NT5C3A: variants seen among roughly 807,000 people sequenced by gnomAD.
The protein encoded by NT5C3A is cytosolic 5'-nucleotidase 3A.
A neutral mutation model predicts 40.0 loss-of-function variants in NT5C3A; 23 were observed. That is an observed-to-expected ratio of 0.58 (90% CI 0.41 to 0.81). The LOEUF is 0.81. Among genes scored for constraint, NT5C3A ranks in the 40% least tolerant of loss-of-function variants. The pLI, the probability that NT5C3A is intolerant of heterozygous loss-of-function variation, is 0.00. For missense variants in NT5C3A, 328 were observed against 403.0 expected, an observed-to-expected ratio of 0.81 and a Z score of 1.59; for synonymous variants, 130 against 141.4, an observed-to-expected ratio of 0.92 and a Z score of 0.57.
chr7:33,035,912 CT>C, intron 1 of NT5C3A: 1 of 1,595,324 alleles, frequency 6.3e-7, no homozygotes, highest in Non-Finnish European at 8.6e-7. Flanking sequence ...ATAAATGGAA[CT>C]GGAAATAGGC....
chr7:33,030,992 T>G (rs781144522), intron 1 of NT5C3A, among the ~76,000 whole-genome samples: 2 of 150,714 alleles, frequency 1.3e-5, no homozygotes, highest in Non-Finnish European at 2.9e-5. Context: ...CCAGCTACTC[T>G]GGAGGCTGAG....
chr7:33,032,296 A>G (rs1166629998), intron 1 of NT5C3A, among the ~76,000 whole-genome samples: 4 of 150,004 alleles, frequency 2.7e-5, no homozygotes, highest in Non-Finnish European at 4.4e-5. Flanking sequence ...GGTGGCATAC[A>G]CCTGTAACCC....
chr7:33,045,457 G>GT, intron 1 of NT5C3A, among the ~76,000 whole-genome samples: 1 of 151,640 alleles, frequency 6.6e-6, no homozygotes, highest in African/African-American at 2.4e-5. Flanking sequence ...AATGGCAAAT[G>GT]AAAAATTTTT....
chr7:33,053,707 T>C (rs139431406), intron 1 of NT5C3A, among the ~76,000 whole-genome samples: 207 of 151,634 alleles, frequency 1.4e-3, no homozygotes, highest in South Asian at 1.9e-3. Flanking sequence ...AAAGAAGTAA[T>C]GGCTTTTAGT....
At chr7:33,019,034 G>C (rs148501842) in intron 6 of NT5C3A, among the ~76,000 whole-genome samples, 1 of 151,752 alleles carries the variant, frequency 6.6e-6, no homozygotes, top group Non-Finnish European at 1.5e-5. Context: ...CTTTGGGATC[G>C]CTTGAGCTCA....
In NT5C3A at chr7:33,026,353, G is replaced by GAAAAAAAA. The variant is rs1226260693; in HGVS notation, c.237+456_237+463dup. On this transcript the variant is annotated intron_variant, in intron 2 of 8. Coordinates refer to ENST00000610140, the MANE Select transcript of NT5C3A (RefSeq NM_001002010.5). ...AACAGAGCGAGACTCCATCTCAAAA[G>GAAAAAAAA]AAAAAAAAAAAAAAAAAAAAGAAGC... Among the ~76,000 whole-genome samples, 696 of 94,136 alleles carry GAAAAAAAA rather than the reference G, an allele frequency of 7.4e-3. 50 individuals carry two copies. The highest frequency in any genetic ancestry group is 0.044 in the Admixed American group (285 of 6,526). The allele number at this position is 94,136 out of a possible 152,430, so 61.8% of individuals were successfully genotyped here.
chr7:33,057,109 G>A (rs898434931), intron 1 of NT5C3A, among the ~76,000 whole-genome samples: 2 of 151,128 alleles, frequency 1.3e-5, no homozygotes, highest in Non-Finnish European at 2.9e-5. Context: ...CACCGCACCC[G>A]GCCCTTTTTT....
intron 1 of NT5C3A, among the ~76,000 whole-genome samples, chr7:33,049,228 A>G (rs887011353): frequency 1.6e-4 from 24 of 152,232 alleles, no homozygotes; most frequent in African/African-American, 5.5e-4. Flanking sequence ...ATTGCCTGAC[A>G]AAGTCAAAAT....
intron 1 of NT5C3A, among the ~76,000 whole-genome samples, chr7:33,059,948 G>C (rs1787712258): frequency 6.6e-6 from 1 of 152,074 alleles, no homozygotes; most frequent in South Asian, 2.1e-4. Context: ...ACATACTGTT[G>C]GGTTTTTTGT....
rs1043390055 is a variant in NT5C3A at position 33,059,656 on chromosome 7, G to C, written c.138+2912C>G. 3.3e-5 allele frequency among the ~76,000 whole-genome samples: 5 copies of C among 152,186 alleles called. No homozygotes were observed. In the East Asian group the frequency reaches 9.6e-4, roughly 29 times the overall value. Reference sequence around the variant, plus strand: ...ATCTCCCAATTAATAGATGAAAAATGGGAGATTCAGAGAGGTTAAGTAATT... The same window carrying C: ...ATCTCCCAATTAATAGATGAAAAATCGGAGATTCAGAGAGGTTAAGTAATT... On this transcript the variant is annotated intron_variant, in intron 1 of 8. Transcript: ENST00000610140.
chr7:33,021,456 A>C, intron 4 of NT5C3A, 99 bp from the exon 5 acceptor site: 1 of 1,417,018 alleles, frequency 7.1e-7, no homozygotes. Flanking sequence ...TTTTCAACAA[A>C]CTGCTTTAAA....
At chr7:33,061,162 T>A (rs1787759457) in intron 1 of NT5C3A, among the ~76,000 whole-genome samples, 1 of 152,158 alleles carries the variant, frequency 6.6e-6, no homozygotes, top group Non-Finnish European at 1.5e-5. Context: ...CAACTCGGTT[T>A]TTTCCCCTAC....
chr7:33,021,731 A>G, intron 4 of NT5C3A: 1 of 411,954 alleles, frequency 2.4e-6, no homozygotes, highest in Non-Finnish European at 4.4e-6. Context: ...ATCAACTTAA[A>G]GGAGCAAAAC....
chr7:33,022,254 T>A lies in NT5C3A; in HGVS notation c.308-155A>T, dbSNP rs1206998089. ...AATGCCAAGTCAACTAGCATGGTTA[T>A]TATAACTTTTGGTGTCAGTGGTATA... On this transcript the variant is annotated intron_variant, in intron 3 of 8. Coordinates refer to ENST00000610140, the MANE Select transcript of NT5C3A (RefSeq NM_001002010.5). 2.6e-5 allele frequency among the ~76,000 whole-genome samples: 4 copies of A among 152,222 alleles called. No individual in the cohort carries two copies. The East Asian group carries it at 5.8e-4, about 22-fold the overall frequency.
chr7:33,028,124 G>A (rs938098413), intron 1 of NT5C3A, among the ~76,000 whole-genome samples: 3 of 152,134 alleles, frequency 2.0e-5, no homozygotes, highest in African/African-American at 7.2e-5. Context: ...TTTTACAATA[G>A]ATTTATTTCA....
At position 33,024,046 on chromosome 7, in the gene NT5C3A, T is replaced by C. The variant is rs748640777; in HGVS notation, c.300A>G (p.Thr100=). ...TACAAATATCACACTTACTATGACA[T>C]GTTGGGCATCTTTTCCCTTTATATG... is the stretch of plus-strand genomic sequence containing the variant. ...RFSYKGKRCP[T]CHNIIDNCKL... Residue 100 remains threonine (T), a synonymous_variant, in exon 3 of 9, where the codon ACA becomes ACG. Transcript: ENST00000610140. 1.9e-6 allele frequency: 3 copies of C among 1,542,268 alleles called. No individual in the cohort carries two copies. The highest frequency in any genetic ancestry group is 2.7e-6 in the Non-Finnish European group (3 of 1,115,398).
intron 1 of NT5C3A, chr7:33,036,280 C>A: frequency 2.5e-6 from 1 of 402,150 alleles, no homozygotes; most frequent in Non-Finnish European, 4.7e-6. Flanking sequence ...ATATTGAGGC[C>A]GTGTTTCCAG....
chr7:33,022,086 G>T lies in NT5C3A; in HGVS notation c.321C>A (p.Asn107Lys). 6.6e-7 allele frequency: 1 copy of T among 1,511,218 alleles called. No homozygotes were observed. Among genetic ancestry groups the T allele is most frequent in the Non-Finnish European group, 9.2e-7 (1 of 1,087,524 alleles). 93.6% of individuals were successfully genotyped at this position (1,511,218 alleles called of 1,614,324 possible). ...RCPTCHNIID[N>K]CKLVTDECRK... Reference sequence around the variant, plus strand: ...TACATTCATCTGTAACCAGCTTACAGTTGTCAATGATATCTAAAGATAGAA... The same window carrying T: ...TACATTCATCTGTAACCAGCTTACATTTGTCAATGATATCTAAAGATAGAA... Residue 107 changes from asparagine (N) to lysine (K), a missense_variant, in exon 4 of 9, where the codon AAC (asparagine) becomes AAA (lysine). Asn to Lys is a moderately conservative substitution (Grantham distance 94). This residue lies in a region of NT5C3A where 280 missense variants were observed against 317.2 expected (regional missense o/e 0.88). Transcript: ENST00000610140.
At chr7:33,052,496 A>G in intron 1 of NT5C3A, among the ~76,000 whole-genome samples, 1 of 151,830 alleles carries the variant, frequency 6.6e-6, no homozygotes, top group South Asian at 2.1e-4. Flanking sequence ...AAAAAAAAAA[A>G]AAAAAAAAAA....
Sources: allele counts gnomAD v4.1 joint callset (sites outside exome capture counted in the v4.1 genomes callset), GRCh38; gene constraint gnomAD v4.1.1; regional missense constraint gnomAD v4.1.1; transcripts MANE v1.5; gene names NCBI Gene and HGNC (gene_info 2026-07-23, HGNC 2026-07-21).